Variants in CBY3 observed in about 807,000 individuals in gnomAD.
CBY3 encodes chibby family member 3, also known as sperm annulus positioning complex subunit Chibby3.
A neutral mutation model predicts 3.0 loss-of-function variants in CBY3; 7 were observed. The ratio of observed to expected loss-of-function variants is 2.32; its 90% CI spans 1.32 to 4.35. CBY3 has a LOEUF of 4.35. CBY3 is among the 30% of genes most tolerant of loss of function. CBY3 has a pLI of 0.00. For synonymous variants in CBY3, 170 were observed against 154.5 expected, an observed-to-expected ratio of 1.10 and a Z score of -0.74; for missense variants, 400 against 336.4, an observed-to-expected ratio of 1.19 and a Z score of -1.48.
rs1016612059 is a variant in CBY3, at chr5:179,678,676, A to G, written c.636T>C (p.Ala212=). The G allele has an allele frequency of 7.8e-6, 12 of 1,535,656 alleles. No individual in the cohort carries two copies. Among genetic ancestry groups the G allele is most frequent in the South Asian group, 1.2e-5 (1 of 84,028 alleles). Residue 212 remains alanine, a synonymous_variant, in exon 2 of 2, where the codon GCT becomes GCC. Coordinates refer to ENST00000376974, the MANE Select transcript of CBY3 (RefSeq NM_001164444.2). ...TCTTCCTCTGCCCGGCGCGCGCCGCAGCCGTCGGGATCACCTCGGGGTTGC... is the reference window on the plus strand; with the variant it reads ...TCTTCCTCTGCCCGGCGCGCGCCGCGGCCGTCGGGATCACCTCGGGGTTGC... The part of the protein sequence containing the change: ...KQRNPEVIPT[A]AARAGQRKMR...
chr5:179,680,198 C>T (rs1776026026), intron 1 of CBY3, among the ~76,000 whole-genome samples: 1 of 152,030 alleles, frequency 6.6e-6, no homozygotes, highest in Admixed American at 6.6e-5. Context: ...GGAAGGTGGA[C>T]CAGTGCACTA....
chr5:179,680,472 C>G (rs1008347386), intron 1 of CBY3, among the ~76,000 whole-genome samples: 1 of 152,110 alleles, frequency 6.6e-6, no homozygotes, highest in African/African-American at 2.4e-5. Context: ...CCTAATCCAG[C>G]TTGGAAGACA....
Position 179,678,964 on chromosome 5 carries a change from C to T in CBY3, c.348G>A (p.Leu116=), listed in dbSNP as rs748712355. The T allele has an allele frequency of 1.3e-6, 2 of 1,535,832 alleles. No homozygotes were observed. The highest frequency in any genetic ancestry group is 1.2e-5 in the South Asian group (1 of 83,980). The stretch of plus-strand genomic sequence containing the variant: ...TGCACGGCGCGCCGTAGGCGAGGCC[C>T]AGCTCGGCCTGGCGCGTGTTGTGGT... The part of the protein sequence containing the change: ...LLDHNTRQAE[L]GLAYGAPCMR... The change falls in exon 2 of 2, where the codon CTG becomes CTA. Residue 116 remains leucine (L), a synonymous_variant. Coordinates refer to ENST00000376974, the MANE Select transcript of CBY3 (RefSeq NM_001164444.2).
rs1251977504 is a variant in CBY3 at position 179,678,868 on chromosome 5, C to G, written c.444G>C (p.Thr148=). ...CGGTCCGCGAGAGCAGCGGCGACCG[C>G]GTCCTCGCCAGCTGGCTCTCAGTGG... ...RWTTESQLAR[T]RSPLLSRTAW... is the part of the protein sequence containing the mutation. The change falls in exon 2 of 2, where the codon ACG becomes ACC. Residue 148 remains threonine (T), a synonymous_variant. Transcript: ENST00000376974. 1.3e-6 allele frequency: 2 copies of G among 1,536,240 alleles called. No individual in the cohort carries two copies. Among genetic ancestry groups the G allele is most frequent in the African/African-American group, 2.7e-5 (2 of 73,044 alleles).
chr5:179,678,597 G>C lies in CBY3; in HGVS notation c.715C>G (p.Leu239Val), dbSNP rs1254892712. ...AGVLMIQPCA[L>V]DSQ ...CCTTTATTGCGTCACTGCGAGTCCA[G>C]AGCGCACGGCTGGATCATGAGCACG... The change falls in exon 2 of 2, where the codon CTG becomes GTG. Residue 239 changes from leucine (L) to valine (V), a missense_variant. Coordinates refer to ENST00000376974, the MANE Select transcript of CBY3 (RefSeq NM_001164444.2). The C allele has an allele frequency of 5.9e-6, 9 of 1,515,516 alleles. No individual in the cohort carries two copies. The highest frequency in any genetic ancestry group is 4.1e-5 in the African/African-American group (3 of 72,410). The allele number at this position is 1,515,516 out of a possible 1,614,324, so 93.9% of individuals were successfully genotyped here.
In CBY3 at chr5:179,678,592, G is replaced by A. The variant is rs1230526172; in HGVS notation, c.720C>T (p.Asp240=). ...GVLMIQPCAL[D]SQ The stretch of plus-strand genomic sequence containing the variant: ...CGCGGCCTTTATTGCGTCACTGCGA[G>A]TCCAGAGCGCACGGCTGGATCATGA... Residue 240 remains aspartate (D), a synonymous_variant, in exon 2 of 2, where the codon GAC becomes GAT. Transcript: ENST00000376974. 6 of 1,512,616 alleles carry A rather than the reference G, an allele frequency of 4.0e-6. No individual in the cohort carries two copies. The East Asian group carries it at 1.5e-4, about 37-fold the overall frequency. 93.7% of individuals were successfully genotyped at this position (1,512,616 alleles called of 1,614,324 possible). A position where few individuals can be genotyped will look rare whatever the true frequency, so the allele number is the denominator to read the frequency against.
chr5:179,679,527 G>A, intron 1 of CBY3, among the ~76,000 whole-genome samples: 1 of 152,190 alleles, frequency 6.6e-6, no homozygotes, highest in East Asian at 1.9e-4. Context: ...AGTTGCAGCT[G>A]GAAGGGTGAG....
chr5:179,679,164 A>G lies in CBY3; in HGVS notation c.148T>C (p.Cys50Arg). 1 of 1,535,324 alleles carries G rather than the reference A, an allele frequency of 6.5e-7. No homozygotes were observed. Among genetic ancestry groups the G allele is most frequent in the South Asian group, 1.2e-5 (1 of 84,026 alleles). ...QRSRGSPSST[C>R]VPYKVHALAT... ...AGGGCGTGGACCTTGTAGGGCACGC[A>G]GGTGCTCGAAGGGGAGCCTCGGGAG... is the stretch of plus-strand genomic sequence containing the variant. The change falls in exon 2 of 2, where the codon TGC (cysteine) becomes CGC (arginine). Residue 50 changes from cysteine to arginine, a missense_variant. Cys to Arg is a radical substitution (Grantham distance 180). Coordinates refer to ENST00000376974, the MANE Select transcript of CBY3 (RefSeq NM_001164444.2).
intron 1 of CBY3, 75 bp from the exon 2 acceptor site, chr5:179,679,340 T>C (rs1020568714): frequency 1.6e-6 from 2 of 1,261,314 alleles, no homozygotes; most frequent in African/African-American, 3.0e-5. Context: ...GGCGGACATG[T>C]CTTAGCCCTG....
chr5:179,680,981 G>T lies in CBY3; in HGVS notation c.-63C>A. ...GTTTCCCCGTTAGTCCTCACTGTATGTTGTGCCTCACCTGGAAGATGGGGT... is the reference window on the plus strand; with the variant it reads ...GTTTCCCCGTTAGTCCTCACTGTATTTTGTGCCTCACCTGGAAGATGGGGT... On this transcript the variant is annotated 5_prime_UTR_variant, in exon 1 of 2. Transcript: ENST00000376974. The T allele has an allele frequency of 7.1e-7, 1 of 1,413,686 alleles. No individual in the cohort carries two copies. The highest frequency in any genetic ancestry group is 9.6e-7 in the Non-Finnish European group (1 of 1,036,722). The allele number at this position is 1,413,686 out of a possible 1,614,324, so 87.6% of individuals were successfully genotyped here. A position where few individuals can be genotyped will look rare whatever the true frequency, so the allele number is the denominator to read the frequency against.
rs1352350117 is a variant in CBY3 at position 179,678,673 on chromosome 5, C to G, written c.639G>C (p.Ala213=). Residue 213 remains alanine (A), a synonymous_variant, in exon 2 of 2, where the codon GCG becomes GCC. Coordinates refer to ENST00000376974, the MANE Select transcript of CBY3 (RefSeq NM_001164444.2). ...QRNPEVIPTA[A]ARAGQRKMRK... ...GCATCTTCCTCTGCCCGGCGCGCGC[C>G]GCAGCCGTCGGGATCACCTCGGGGT... 6.5e-7 allele frequency: 1 copy of G among 1,535,618 alleles called. No individual in the cohort carries two copies. Among genetic ancestry groups the G allele is most frequent in the Admixed American group, 2.0e-5 (1 of 50,908 alleles).
rs1776048071 is a variant in CBY3 at position 179,680,956 on chromosome 5, G to T, written c.-38C>A. 2.0e-6 allele frequency: 3 copies of T among 1,511,630 alleles called. No individual in the cohort carries two copies. Among genetic ancestry groups the T allele is most frequent in the African/African-American group, 2.8e-5 (2 of 72,494 alleles). 93.6% of individuals were successfully genotyped at this position (1,511,630 alleles called of 1,614,324 possible). A position where few individuals can be genotyped will look rare whatever the true frequency, so the allele number is the denominator to read the frequency against. On this transcript the variant is annotated 5_prime_UTR_variant, in exon 1 of 2. Coordinates refer to ENST00000376974, the MANE Select transcript of CBY3 (RefSeq NM_001164444.2). ...TTGAGATTGTATCTTCTCGGAGGAT[G>T]TTTCCCCGTTAGTCCTCACTGTATG...
At chr5:179,680,003 G>C (rs1375853162) in intron 1 of CBY3, among the ~76,000 whole-genome samples, 1 of 142,144 alleles carries the variant, frequency 7.0e-6, no homozygotes, top group Non-Finnish European at 1.5e-5. Context: ...AGTAGAAATG[G>C]GGTTTCACCT....
In CBY3 at chr5:179,678,901, C is replaced by A. The variant is rs1370604085; in HGVS notation, c.411G>T (p.Gly137=). ...LSNQAFVFRG[G]RWTTESQLAR... is the part of the protein sequence containing the mutation. ...CCAGCTGGCTCTCAGTGGTCCACCG[C>A]CCGCCGCGGAACACGAAGGCCTGGT... Residue 137 remains glycine (G), a synonymous_variant, in exon 2 of 2, where the codon GGG becomes GGT. Coordinates refer to ENST00000376974, the MANE Select transcript of CBY3 (RefSeq NM_001164444.2). The A allele has an allele frequency of 6.5e-7, 1 of 1,534,950 alleles. No individual in the cohort carries two copies. Among genetic ancestry groups the A allele is most frequent in the Admixed American group, 2.0e-5 (1 of 50,872 alleles).
At chr5:179,679,381 T>G in intron 1 of CBY3, 116 bp from the exon 2 acceptor site, 1 of 886,634 alleles carries the variant, frequency 1.1e-6, no homozygotes, top group Non-Finnish European at 1.7e-6. Flanking sequence ...TCTCACCAGC[T>G]GCTGGCCACC....
rs1361472768 is a variant in CBY3 at position 179,678,826 on chromosome 5, C to A, written c.486G>T (p.Ala162=). The change falls in exon 2 of 2, where the codon GCG becomes GCT. Residue 162 remains alanine (A), a synonymous_variant. Transcript: ENST00000376974. ...CTTGGCTTTTGGACCGCTGCACCTG[C>A]GCCTTCCAGCCCCAGGCGGTCCGCG... ...LLSRTAWGWK[A]QVQRSKSQVL... The A allele has an allele frequency of 6.5e-7, 1 of 1,537,020 alleles. No homozygotes were observed. Among genetic ancestry groups the A allele is most frequent in the South Asian group, 1.2e-5 (1 of 84,064 alleles).
Position 179,679,172 on chromosome 5 carries a change from G to A in CBY3, c.140C>T (p.Ser47Leu), listed in dbSNP as rs1426948110. The A allele has an allele frequency of 1.2e-5, 19 of 1,535,262 alleles. No individual in the cohort carries two copies. The highest frequency in any genetic ancestry group is 1.7e-5 in the Non-Finnish European group (19 of 1,146,846). ...GACCTTGTAGGGCACGCAGGTGCTC[G>A]AAGGGGAGCCTCGGGAGCGCTGGCG... is the stretch of plus-strand genomic sequence containing the variant. The part of the protein sequence containing the change: ...TSRQRSRGSP[S>L]STCVPYKVHA... The change falls in exon 2 of 2, where the codon TCG becomes TTG. Residue 47 changes from serine (S) to leucine (L), a missense_variant. Ser to Leu is a moderately radical substitution (Grantham distance 145, BLOSUM62 -2). Coordinates refer to ENST00000376974, the MANE Select transcript of CBY3 (RefSeq NM_001164444.2).
In CBY3 at chr5:179,679,151, TTG is replaced by T; in HGVS notation, c.159_160del (p.Tyr53Ter). ...CTCGAAGGTTGCCAGGGCGTGGACC[TTG>T]TAGGGCACGCAGGTGCTCGAAGGGG... On this transcript the variant is annotated stop_gained and frameshift_variant, in exon 2 of 2. Coordinates refer to ENST00000376974, the MANE Select transcript of CBY3 (RefSeq NM_001164444.2). LOFTEE classifies it low-confidence loss of function (END_TRUNC). 6.5e-7 allele frequency: 1 copy of T among 1,535,508 alleles called. No individual in the cohort carries two copies. The highest frequency in any genetic ancestry group is 8.7e-7 in the Non-Finnish European group (1 of 1,146,844).
chr5:179,680,620 C>T (rs1204876540), intron 1 of CBY3, among the ~76,000 whole-genome samples: 1 of 152,086 alleles, frequency 6.6e-6, no homozygotes, highest in African/African-American at 2.4e-5. Context: ...AAACTGTGCC[C>T]TCAGGAAGTC....
Sources: allele counts gnomAD v4.1 joint callset (sites outside exome capture counted in the v4.1 genomes callset), GRCh38; gene constraint gnomAD v4.1.1; transcripts MANE v1.5; gene names NCBI Gene and HGNC (gene_info 2026-07-23, HGNC 2026-07-21).